METAP1: variants seen among roughly 807,000 people sequenced by gnomAD.
The protein encoded by METAP1 is methionine aminopeptidase 1.
METAP1 carries 28 observed loss-of-function variants against 53.8 expected under a neutral mutation model. That is an observed-to-expected ratio of 0.52 (90% CI 0.39 to 0.71). The LOEUF (loss-of-function observed/expected upper bound fraction) is 0.71, where lower values mean the gene tolerates loss of function less well. METAP1 is among the 30% of genes least tolerant of loss of function. The pLI is 0.00. For synonymous variants in METAP1, 181 were observed against 165.7 expected, an observed-to-expected ratio of 1.09 and a Z score of -0.71; for missense variants, 389 against 479.8, an observed-to-expected ratio of 0.81 and a Z score of 1.77.
chr4:99,022,188 C>T (rs934617722), intron 1 of METAP1: 2 of 357,278 alleles, frequency 5.6e-6, no homozygotes, highest in African/African-American at 4.3e-5. Context: ...ACGTTTGGGC[C>T]CTCACCAGAG....
intron 4 of METAP1, 109 bp downstream of exon 4, chr4:99,035,569 T>A: frequency 1.3e-6 from 1 of 778,922 alleles, no homozygotes; most frequent in East Asian, 2.7e-5. Flanking sequence ...GGACTTCTAA[T>A]AAATGTGTTT....
At chr4:99,018,657 T>C (rs1723916839) in intron 1 of METAP1, among the ~76,000 whole-genome samples, 1 of 152,188 alleles carries the variant, frequency 6.6e-6, no homozygotes, top group African/African-American at 2.4e-5. Context: ...GGATTTGTCA[T>C]AGTAGCGTGA....
chr4:99,032,936 A>G (rs966594180), intron 2 of METAP1, among the ~76,000 whole-genome samples: 2 of 152,196 alleles, frequency 1.3e-5, no homozygotes, highest in African/African-American at 2.4e-5. Flanking sequence ...GTATCTTTCT[A>G]TTCCTTTATA....
intron 1 of METAP1, among the ~76,000 whole-genome samples, chr4:99,013,034 C>T (rs1450928865): frequency 3.9e-5 from 6 of 152,154 alleles, no homozygotes; most frequent in Non-Finnish European, 8.8e-5. Context: ...TCTTACTATG[C>T]ATCCCGTAAG....
intron 1 of METAP1, 80 bp downstream of exon 1, chr4:98,995,947 T>C: frequency 8.4e-7 from 1 of 1,184,684 alleles, no homozygotes; most frequent in East Asian, 2.8e-5. Context: ...CTCCCGCCCT[T>C]GCGGCGAGTC....
At chr4:99,042,248 CA>C (rs143055518) in intron 6 of METAP1, among the ~76,000 whole-genome samples, 3,151 of 150,914 alleles carry the variant, frequency 0.021, 94 homozygotes, top group African/African-American at 0.071. Flanking sequence ...GGAAAAGCCA[CA>C]AATGTAGTTA....
At chr4:99,026,963 CTTAGT>C in intron 1 of METAP1, 2 of 555,796 alleles carry the variant, frequency 3.6e-6, no homozygotes, top group African/African-American at 4.1e-5. Context: ...GAGACAAGTC[CTTAGT>C]TTATTTAATG....
intron 1 of METAP1, among the ~76,000 whole-genome samples, chr4:98,998,066 G>A (rs1462611904): frequency 2.0e-5 from 3 of 152,294 alleles, no homozygotes; most frequent in East Asian, 3.9e-4. Context: ...CACATTCAGG[G>A]CCCCTCTTCT....
At chr4:99,009,735 ATGTTG>A (rs1404605374) in intron 1 of METAP1, among the ~76,000 whole-genome samples, 2 of 152,320 alleles carry the variant, frequency 1.3e-5, no homozygotes, top group Admixed American at 6.5e-5. Context: ...TTTTGATATT[ATGTTG>A]TAAGAGTCTT....
chr4:99,014,247 T>TA (rs1363976327), intron 1 of METAP1, among the ~76,000 whole-genome samples: 4 of 152,210 alleles, frequency 2.6e-5, no homozygotes, highest in African/African-American at 9.6e-5. Context: ...GCTTGTTTGA[T>TA]AAAGCAGTAA....
intron 9 of METAP1, among the ~76,000 whole-genome samples, chr4:99,055,634 A>C (rs562082039): frequency 6.6e-6 from 1 of 152,296 alleles, no homozygotes; most frequent in East Asian, 1.9e-4. Flanking sequence ...AAAATTATTG[A>C]GAGATATGTT....
intron 2 of METAP1, among the ~76,000 whole-genome samples, chr4:99,029,981 A>G (rs1289096099): frequency 6.6e-6 from 1 of 152,224 alleles, no homozygotes; most frequent in Non-Finnish European, 1.5e-5. Context: ...TTATCAACGC[A>G]TAAAAGATAG....
chr4:99,045,326 G>C lies in METAP1; in HGVS notation c.787+16G>C, dbSNP rs372476172. 285 of 1,612,686 alleles carry C rather than the reference G, an allele frequency of 1.8e-4. No homozygotes were observed. Among genetic ancestry groups the C allele is most frequent in the Non-Finnish European group, 2.3e-4 (273 of 1,179,268 alleles). Reference sequence around the variant, plus strand: ...ATTGATGCAGGTCAGCCTCAGTGTTGAGCACCTATTGGCAGTCCTGTGTGT... The same window carrying C: ...ATTGATGCAGGTCAGCCTCAGTGTTCAGCACCTATTGGCAGTCCTGTGTGT... On this transcript the variant is annotated intron_variant, in intron 8 of 10. Coordinates refer to ENST00000296411, the MANE Select transcript of METAP1 (RefSeq NM_015143.3).
intron 1 of METAP1, among the ~76,000 whole-genome samples, chr4:99,018,414 G>C (rs1723902400): frequency 6.6e-6 from 1 of 152,202 alleles, no homozygotes; most frequent in Non-Finnish European, 1.5e-5. Context: ...TGGAGTGTCT[G>C]TCTTTCTAAT....
chr4:99,023,572 A>T, intron 1 of METAP1: 1 of 985,328 alleles, frequency 1.0e-6, no homozygotes, highest in Non-Finnish European at 1.2e-6. Flanking sequence ...GAGGTAATAC[A>T]GGATCTTAAG....
chr4:99,043,215 T>C (rs1703700982), intron 6 of METAP1, 34 bp from the exon 7 acceptor site: 6 of 1,440,574 alleles, frequency 4.2e-6, no homozygotes, highest in Non-Finnish European at 5.6e-6. Context: ...ATTTTTTCTT[T>C]TATATATTCC....
Position 99,034,674 on chromosome 4 carries a change from C to T in METAP1, c.279+332C>T, listed in dbSNP as rs189662886. Among the ~76,000 whole-genome samples, 117 of 152,224 alleles carry T rather than the reference C, an allele frequency of 7.7e-4. 1 individual carries two copies. The highest frequency in any genetic ancestry group is 2.5e-3 in the African/African-American group (105 of 41,556). ...GATTGGTTCCAGGACATCCTCACTC[C>T]CCATATAGTTACGAAAATCCACTGA... On this transcript the variant is annotated intron_variant, in intron 3 of 10. Transcript: ENST00000296411.
In METAP1 at chr4:99,048,789, G is replaced by C. The variant is rs1726466523; in HGVS notation, c.844G>C (p.Ala282Pro). 1.9e-6 allele frequency: 3 copies of C among 1,613,956 alleles called. No individual in the cohort carries two copies. Among genetic ancestry groups the C allele is most frequent in the Non-Finnish European group, 2.5e-6 (3 of 1,179,848 alleles). The change falls in exon 9 of 11, where the codon GCA becomes CCA. Residue 282 changes from alanine to proline, a missense_variant. Physicochemically the swap from Ala to Pro is conservative, Grantham distance 27. Transcript: ENST00000296411. ...LGNIIQKHAQANGFSVVRSYC... is the reference protein window; with the variant it reads ...LGNIIQKHAQPNGFSVVRSYC... ...AAACATTATCCAGAAGCATGCCCAA[G>C]CAAATGGGTTTTCAGTTGTTCGAAG...
intron 5 of METAP1, 63 bp downstream of exon 5, chr4:99,039,528 G>A: frequency 1.1e-6 from 1 of 944,894 alleles, no homozygotes; most frequent in East Asian, 2.5e-5. Context: ...CATGAAGTCA[G>A]TGGTTTGCTG....
Sources: gnomAD v4.1 joint callset for allele counts (sites outside exome capture counted in the v4.1 genomes callset) on GRCh38, gnomAD v4.1.1 for gene constraint, MANE v1.5 for transcripts, NCBI Gene and HGNC (gene_info 2026-07-23, HGNC 2026-07-21) for gene names.